MINDY2: variants seen among roughly 807,000 people sequenced by gnomAD.
MINDY2 encodes the protein ubiquitin carboxyl-terminal hydrolase MINDY-2.
In MINDY2, 52 loss-of-function variants were observed where a neutral mutation model predicts 68.2. That is an observed-to-expected ratio of 0.76 (90% CI 0.61 to 0.96). MINDY2 has a LOEUF of 0.96. Among genes scored for constraint, MINDY2 ranks in the 40% least tolerant of loss-of-function variants. MINDY2 has a pLI of 0.00. For synonymous variants in MINDY2, 372 were observed against 303.0 expected (o/e 1.23, Z -2.36); for missense variants, 881 against 773.4 (o/e 1.14, Z -1.65).
At chr15:58,819,410 T>G (rs1413918461) in intron 4 of MINDY2, among the ~76,000 whole-genome samples, 2 of 152,150 alleles carry the variant, frequency 1.3e-5, no homozygotes, top group Non-Finnish European at 2.9e-5. Flanking sequence ...ATCACGCCAC[T>G]ACATTCCAGC....
Position 58,771,974 on chromosome 15 carries a change from T to A in MINDY2, c.579T>A (p.Ser193Arg). 2.5e-6 allele frequency: 4 copies of A among 1,577,282 alleles called. No individual in the cohort carries two copies. Among genetic ancestry groups the A allele is most frequent in the Non-Finnish European group, 3.4e-6 (4 of 1,163,596 alleles). The change falls in exon 1 of 9, where the codon AGT becomes AGA. Residue 193 changes from serine to arginine, a missense_variant. Ser to Arg is a moderately radical substitution (Grantham distance 110, BLOSUM62 -1). Transcript: ENST00000559228. Reference protein sequence around the residue: ...HSFPSSCEFNSEEGAENRVPE... With the variant: ...HSFPSSCEFNREEGAENRVPE... Reference sequence around the variant, plus strand: ...TTCCCAGTAGCTGCGAGTTCAATAGTGAGGAGGGAGCGGAGAACAGGGTCC... The same window carrying A: ...TTCCCAGTAGCTGCGAGTTCAATAGAGAGGAGGGAGCGGAGAACAGGGTCC...
intron 1 of MINDY2, among the ~76,000 whole-genome samples, chr15:58,775,034 T>C (rs1193228138): frequency 6.6e-6 from 1 of 152,200 alleles, no homozygotes; most frequent in Non-Finnish European, 1.5e-5. Flanking sequence ...TAGAGCAGTA[T>C]TCTCAAAGTG....
chr15:58,816,673 G>A lies in MINDY2; in HGVS notation c.1123-5044G>A, dbSNP rs1365452. 7.9e-3 allele frequency among the ~76,000 whole-genome samples: 1,197 copies of A among 152,260 alleles called. 11 individuals are homozygous for A. Among genetic ancestry groups the A allele is most frequent in the African/African-American group, 0.027 (1,140 of 41,564 alleles). ...ACAGATAGAACTAGGGCACTCTAGAGCAATGGGGAAAGGCAATCCTTTAAA... is the reference window on the plus strand; with the variant it reads ...ACAGATAGAACTAGGGCACTCTAGAACAATGGGGAAAGGCAATCCTTTAAA... On this transcript the variant is annotated intron_variant, in intron 4 of 8. Transcript: ENST00000559228.
chr15:58,789,860 T>C (rs1376422190), intron 2 of MINDY2, among the ~76,000 whole-genome samples: 1 of 152,116 alleles, frequency 6.6e-6, no homozygotes, highest in Non-Finnish European at 1.5e-5. Flanking sequence ...TTGGTCAGGC[T>C]TGTCTTGAAC....
rs578076255 is a variant in MINDY2 at position 58,774,651 on chromosome 15, G to A, written c.840+2416G>A. On this transcript the variant is annotated intron_variant, in intron 1 of 8. Coordinates refer to ENST00000559228, the MANE Select transcript of MINDY2 (RefSeq NM_001040450.3). ...GGAAGTGCAGAGAAAACGGTAATTG[G>A]GGAGGGGATTATCAAGGGAAGACTT... Among the ~76,000 whole-genome samples, 18 of 152,212 alleles carry A rather than the reference G, an allele frequency of 1.2e-4. 1 individual carries two copies. In the South Asian group the frequency reaches 3.5e-3, roughly 30 times the overall value.
Position 58,791,215 on chromosome 15 carries a change from TTATATATATATATATATATATATATA to T in MINDY2, c.898+3268_898+3293del, listed in dbSNP as rs57998049. Among the ~76,000 whole-genome samples, 14 of 79,612 alleles carry T rather than the reference TTATATATATATATATATATATATATA, an allele frequency of 1.8e-4. 2 individuals carry two copies. The highest frequency in any genetic ancestry group is 2.8e-4 in the African/African-American group (8 of 28,274). The allele number at this position is 79,612 out of a possible 152,430, so 52.2% of individuals were successfully genotyped here. A position where few individuals can be genotyped will look rare whatever the true frequency, so the allele number is the denominator to read the frequency against. On this transcript the variant is annotated intron_variant, in intron 2 of 8. Transcript: ENST00000559228. The stretch of plus-strand genomic sequence containing the variant: ...AAAGGGAGCCATCAGGAAAGCAATT[TTATATATATATATATATATATATATA>T]TATATATATATATATCTTGAGTTCA...
chr15:58,799,992 T>C (rs1423210317), intron 2 of MINDY2, among the ~76,000 whole-genome samples: 3 of 152,134 alleles, frequency 2.0e-5, no homozygotes, highest in African/African-American at 7.2e-5. Context: ...ATAATAGAGA[T>C]GGTGGCATTG....
chr15:58,825,353 A>G (rs1172689990), intron 5 of MINDY2, among the ~76,000 whole-genome samples: 4 of 152,228 alleles, frequency 2.6e-5, no homozygotes, highest in Non-Finnish European at 5.9e-5. Context: ...ACTTAATTGT[A>G]GAATACACTG....
At chr15:58,828,930 T>G (rs974850371) in intron 5 of MINDY2, among the ~76,000 whole-genome samples, 3 of 152,182 alleles carry the variant, frequency 2.0e-5, no homozygotes, top group African/African-American at 7.2e-5. Context: ...TTAAATTTAT[T>G]TTCATGAATA....
At chr15:58,830,448 C>T (rs1196745849) in intron 5 of MINDY2, among the ~76,000 whole-genome samples, 1 of 152,158 alleles carries the variant, frequency 6.6e-6, no homozygotes, top group African/African-American at 2.4e-5. Flanking sequence ...AGGAAATGCT[C>T]ATTGGAGGAT....
intron 1 of MINDY2, among the ~76,000 whole-genome samples, chr15:58,783,164 G>A (rs904393849): frequency 4.6e-5 from 7 of 151,754 alleles, no homozygotes; most frequent in Middle Eastern, 3.4e-3. Flanking sequence ...CAGGTGATCC[G>A]CCCACCTCGG....
chr15:58,807,125 T>C (rs1903068532), intron 3 of MINDY2, among the ~76,000 whole-genome samples: 1 of 152,138 alleles, frequency 6.6e-6, no homozygotes, highest in Non-Finnish European at 1.5e-5. Flanking sequence ...TAATGTAAGA[T>C]TTCCTTCATT....
chr15:58,850,346 G>A (rs959830790), intron 7 of MINDY2, among the ~76,000 whole-genome samples: 6 of 152,116 alleles, frequency 3.9e-5, no homozygotes, highest in South Asian at 2.1e-4. Flanking sequence ...TTCTTAAACA[G>A]AAGACTTTTA....
intron 2 of MINDY2, among the ~76,000 whole-genome samples, chr15:58,789,308 A>T (rs1901728344): frequency 6.6e-6 from 1 of 152,232 alleles, no homozygotes; most frequent in Non-Finnish European, 1.5e-5. Context: ...ACTGCACTCC[A>T]GCCTGGGCAA....
chr15:58,789,711 G>C (rs1298858273), intron 2 of MINDY2, among the ~76,000 whole-genome samples: 1 of 151,978 alleles, frequency 6.6e-6, no homozygotes, highest in Admixed American at 6.6e-5. Context: ...GCAATGGCGT[G>C]ATCTCAGCTC....
chr15:58,837,133 C>G (rs2141032295), intron 6 of MINDY2, among the ~76,000 whole-genome samples: 1 of 152,194 alleles, frequency 6.6e-6, no homozygotes, highest in South Asian at 2.1e-4. Context: ...GGGAATAAGG[C>G]AGAGAGAGGA....
chr15:58,785,634 T>C (rs1454544732), intron 1 of MINDY2, among the ~76,000 whole-genome samples: 1 of 152,210 alleles, frequency 6.6e-6, no homozygotes, highest in Non-Finnish European at 1.5e-5. Context: ...CTGTACTTTC[T>C]GCCCAGTTTT....
chr15:58,852,085 G>A (rs975947473), intron 8 of MINDY2, 120 bp downstream of exon 8: 2 of 678,034 alleles, frequency 2.9e-6, no homozygotes, highest in South Asian at 2.2e-5. Flanking sequence ...CCAGGAGTTC[G>A]AGACCAGCCT....
At chr15:58,803,190 G>A (rs1403815001) in intron 3 of MINDY2, among the ~76,000 whole-genome samples, 1 of 152,144 alleles carries the variant, frequency 6.6e-6, no homozygotes, top group Admixed American at 6.6e-5. Flanking sequence ...AAGTTGGCTG[G>A]GCGTGGTGGC....
Sources: allele counts gnomAD v4.1 joint callset (sites outside exome capture counted in the v4.1 genomes callset), GRCh38; gene constraint gnomAD v4.1.1; transcripts MANE v1.5; gene names NCBI Gene and HGNC (gene_info 2026-07-23, HGNC 2026-07-21).